Variants in GRIP1 observed in about 807,000 individuals in gnomAD.
GRIP1 encodes the protein glutamate receptor interacting protein 1.
A neutral mutation model predicts 129.9 loss-of-function variants in GRIP1; 45 were observed. The observed-to-expected ratio is 0.35, with a 90% confidence interval of 0.27 to 0.44. The LOEUF (loss-of-function observed/expected upper bound fraction) is 0.44. Ranked by LOEUF, GRIP1 falls within the 20% of genes least tolerant of loss-of-function variation. The pLI, the probability that GRIP1 is intolerant of heterozygous loss-of-function variation, is 1.00. For synonymous variants in GRIP1, 530 were observed against 520.8 expected, an observed-to-expected ratio of 1.02 and a Z score of -0.24; for missense variants, 1,196 against 1,396.8, an observed-to-expected ratio of 0.86 and a Z score of 2.29.
intron 2 of GRIP1, among the ~76,000 whole-genome samples, chr12:66,592,945 T>A (rs1374157344): frequency 2.0e-5 from 3 of 152,198 alleles, no homozygotes; most frequent in African/African-American, 7.2e-5. Context: ...GAATTTATCT[T>A]ATTTTTGAAA....
chr12:66,679,444 C>CAAAAAAAAAAAAA (rs10691128), upstream of GRIP1, among the ~76,000 whole-genome samples: 1 of 117,434 alleles, frequency 8.5e-6, no homozygotes, highest in Non-Finnish European at 1.8e-5. Context: ...AAACAACAAC[C>CAAAAAAAAAAAAA]AAAAAAAAAA....
chr12:66,460,133 G>A (rs2059091847), intron 9 of GRIP1, among the ~76,000 whole-genome samples: 1 of 152,198 alleles, frequency 6.6e-6, no homozygotes, highest in African/African-American at 2.4e-5. Context: ...CCCACGTGGT[G>A]GAGTCAGAGG....
intron 1 of GRIP1, among the ~76,000 whole-genome samples, chr12:66,738,128 A>G (rs965772572): frequency 2.6e-5 from 4 of 152,150 alleles, no homozygotes; most frequent in African/African-American, 9.7e-5. Context: ...AGATGGGCTG[A>G]GAGAAGGCAC....
chr12:66,588,985 A>AACTT (rs569305897), intron 2 of GRIP1, among the ~76,000 whole-genome samples: 1 of 86,858 alleles, frequency 1.2e-5, no homozygotes, highest in African/African-American at 4.0e-5. Flanking sequence ...ACAAAAAAAA[A>AACTT]AATTAAATAA....
At chr12:66,854,395 T>G (rs1000348292) in intron 1 of GRIP1, among the ~76,000 whole-genome samples, 1 of 151,566 alleles carries the variant, frequency 6.6e-6, no homozygotes, top group Non-Finnish European at 1.5e-5. Context: ...CAATAAGGAG[T>G]TTTGGATTGA....
rs1456520256 is a variant in GRIP1 at position 66,777,281 on chromosome 12, ATG to A, written c.-420+26770_-420+26771del. On this transcript the variant is annotated intron_variant, in intron 1 of 4. Coordinates refer to the GRIP1 transcript ENST00000538373. Reference sequence around the variant, plus strand: ...GCCACACTGGCCTTCTGCTCCTCAAATGTGACAGGTACCCTCCCAACTTGGTC... The same window carrying A: ...GCCACACTGGCCTTCTGCTCCTCAAATGACAGGTACCCTCCCAACTTGGTC... Among the ~76,000 whole-genome samples the A allele has an allele frequency of 5.9e-5, 9 of 151,912 alleles. No individual in the cohort carries two copies. The Middle Eastern group carries it at 0.01, about 172-fold the overall frequency.
rs2059702000 is a variant in GRIP1 at position 66,478,725 on chromosome 12, T to C, written c.725-13303A>G. Among the ~76,000 whole-genome samples the C allele has an allele frequency of 3.3e-5, 5 of 152,202 alleles. No homozygotes were observed. The South Asian group carries it at 8.3e-4, about 25-fold the overall frequency. ...AAAAAAAAGATGAGTTCATGTCCTT[T>C]GTAGGGACATGGATGAAGCTGGAAA... On this transcript the variant is annotated intron_variant, in intron 7 of 24. Coordinates refer to ENST00000359742, the MANE Select transcript of GRIP1 (RefSeq NM_001366722.1).
chr12:66,730,374 A>C (rs1273845782), intron 1 of GRIP1, among the ~76,000 whole-genome samples: 1 of 152,156 alleles, frequency 6.6e-6, no homozygotes, highest in Non-Finnish European at 1.5e-5. Context: ...CAAATGTCTT[A>C]ATATTTGAAT....
At chr12:66,910,347 C>T (rs998549138) in intron 1 of GRIP1, among the ~76,000 whole-genome samples, 1 of 152,156 alleles carries the variant, frequency 6.6e-6, no homozygotes, top group African/African-American at 2.4e-5. Flanking sequence ...CTTTCTTCTC[C>T]TGCATTCTAT....
At chr12:66,858,665 C>T (rs2040048690) in intron 1 of GRIP1, among the ~76,000 whole-genome samples, 1 of 151,868 alleles carries the variant, frequency 6.6e-6, no homozygotes, top group Non-Finnish European at 1.5e-5. Flanking sequence ...TTATAATAGG[C>T]TTCTTTCGGA....
chr12:67,068,352 A>G (rs2043667326), intron 1 of GRIP1, among the ~76,000 whole-genome samples: 1 of 152,152 alleles, frequency 6.6e-6, no homozygotes, highest in Non-Finnish European at 1.5e-5. Context: ...AATAGACAGT[A>G]ATTAAGAAAA....
At chr12:66,783,318 G>A (rs906567918) in intron 1 of GRIP1, among the ~76,000 whole-genome samples, 3 of 152,200 alleles carry the variant, frequency 2.0e-5, no homozygotes, top group African/African-American at 7.2e-5. Context: ...ACAGGCGTGA[G>A]CCACCATGCC....
chr12:66,475,023 C>T (rs1369328503), intron 7 of GRIP1, among the ~76,000 whole-genome samples: 2 of 152,136 alleles, frequency 1.3e-5, no homozygotes, highest in African/African-American at 2.4e-5. Flanking sequence ...AATTAAAAGA[C>T]ACAGACTGGC....
intron 1 of GRIP1, among the ~76,000 whole-genome samples, chr12:66,878,304 G>A (rs934045778): frequency 6.6e-6 from 1 of 152,102 alleles, no homozygotes; most frequent in Non-Finnish European, 1.5e-5. Context: ...GAACCTGGAA[G>A]AGGGAAGAAG....
intron 1 of GRIP1, among the ~76,000 whole-genome samples, chr12:66,850,216 T>C (rs1730256206): frequency 6.6e-6 from 1 of 152,108 alleles, no homozygotes; most frequent in South Asian, 2.1e-4. Flanking sequence ...TAACAGCTTA[T>C]CCATTGAATA....
chr12:66,429,185 G>C (rs1592844864), intron 14 of GRIP1, among the ~76,000 whole-genome samples: 1 of 152,146 alleles, frequency 6.6e-6, no homozygotes, highest in South Asian at 2.1e-4. Context: ...AGCCGTAAAG[G>C]CTCTGCTGGT....
At chr12:66,704,211 C>T (rs1335237094) in intron 1 of GRIP1, among the ~76,000 whole-genome samples, 2 of 151,744 alleles carry the variant, frequency 1.3e-5, no homozygotes, top group Admixed American at 1.3e-4. Context: ...ACCAAAAGAA[C>T]ATAAAATATC....
intron 9 of GRIP1, among the ~76,000 whole-genome samples, chr12:66,460,888 T>A (rs1202798294): frequency 2.0e-5 from 3 of 152,248 alleles, no homozygotes; most frequent in Non-Finnish European, 4.4e-5. Context: ...TAATTATGTT[T>A]AGGAGCCAAA....
chr12:66,874,944 G>A (rs540306322), intron 1 of GRIP1, among the ~76,000 whole-genome samples: 5 of 152,062 alleles, frequency 3.3e-5, no homozygotes, highest in African/African-American at 1.2e-4. Context: ...TACATTCTAA[G>A]ATATATTACA....
Sources: gnomAD v4.1 joint callset for allele counts (sites outside exome capture counted in the v4.1 genomes callset) on GRCh38, gnomAD v4.1.1 for gene constraint, MANE v1.5 for transcripts, NCBI Gene and HGNC (gene_info 2026-07-23, HGNC 2026-07-21) for gene names.